Variants in LPP observed in about 807,000 individuals in gnomAD.
LPP encodes LIM domain containing preferred translocation partner in lipoma, also known as lipoma-preferred partner.
Under a neutral mutation model 60.4 loss-of-function variants are expected in LPP, and 38 were observed. The ratio of observed to expected loss-of-function variants is 0.63; its 90% CI spans 0.49 to 0.83. The LOEUF (loss-of-function observed/expected upper bound fraction) is 0.83, where lower values mean the gene tolerates loss of function less well. Among genes scored for constraint, LPP ranks in the 40% least tolerant of loss-of-function variants. LPP has a pLI of 0.00. For missense variants in LPP, 902 were observed against 783.6 expected (o/e 1.15, Z -1.80); for synonymous variants, 328 against 290.8 (o/e 1.13, Z -1.30).
At position 188,884,339 on chromosome 3, in the gene LPP, C is replaced by G. The variant is rs1770414441; in HGVS notation, c.*9860C>G. The G allele has an allele frequency of 4.3e-6, 1 of 230,554 alleles. No individual in the cohort carries two copies. The allele number at this position is 230,554 out of a possible 1,614,324, so 14.3% of individuals were successfully genotyped here. On this transcript the variant is annotated 3_prime_UTR_variant, in exon 12 of 12. Transcript: ENST00000617246. ...AGAACACCTTAGAGGACAATATCGA[C>G]TTCTTACAGACTACCAAGCCCCCAG...
chr3:188,627,554 A>G (rs1384729834), intron 7 of LPP, among the ~76,000 whole-genome samples: 1 of 152,210 alleles, frequency 6.6e-6, no homozygotes, highest in Non-Finnish European at 1.5e-5. Flanking sequence ...AAAAAAGGGC[A>G]TTACATAATG....
chr3:188,295,778 C>A (rs994191983), intron 2 of LPP, among the ~76,000 whole-genome samples: 8 of 152,214 alleles, frequency 5.3e-5, no homozygotes, highest in African/African-American at 1.9e-4. Flanking sequence ...AAGTGAGCCT[C>A]AGCCTCCCAA....
chr3:188,205,277 C>CTTTTTTT, intron 1 of LPP, among the ~76,000 whole-genome samples: 1 of 103,418 alleles, frequency 9.7e-6, no homozygotes, highest in Non-Finnish European at 1.9e-5. Flanking sequence ...AGATTATAAT[C>CTTTTTTT]TTTTTTTTTT....
chr3:188,773,281 C>T (rs2150728202), intron 9 of LPP, among the ~76,000 whole-genome samples: 1 of 152,244 alleles, frequency 6.6e-6, no homozygotes, highest in Middle Eastern at 3.4e-3. Context: ...CCAAGGCTGA[C>T]ATCATCATTA....
At chr3:188,506,750 G>A (rs749095456) in intron 5 of LPP, among the ~76,000 whole-genome samples, 7 of 152,110 alleles carry the variant, frequency 4.6e-5, no homozygotes, top group African/African-American at 1.2e-4. Flanking sequence ...TTGCCTGAAG[G>A]CAGGATCACA....
intron 6 of LPP, among the ~76,000 whole-genome samples, chr3:188,603,864 G>A (rs573930383): frequency 7.2e-5 from 11 of 152,116 alleles, no homozygotes; most frequent in Admixed American, 3.3e-4. Flanking sequence ...TTGGCCATAT[G>A]AAAATATCAT....
chr3:188,561,393 G>A (rs1454646777), intron 6 of LPP, among the ~76,000 whole-genome samples: 1 of 151,986 alleles, frequency 6.6e-6, no homozygotes, highest in Non-Finnish European at 1.5e-5. Context: ...AGTTTTAATG[G>A]CAGCCTTGAA....
At chr3:188,557,246 T>C (rs1829700848) in intron 6 of LPP, among the ~76,000 whole-genome samples, 3 of 152,118 alleles carry the variant, frequency 2.0e-5, no homozygotes, top group African/African-American at 7.2e-5. Flanking sequence ...ATTTGTTTCC[T>C]TTATCTTCTT....
At chr3:188,785,748 G>T (rs1281373728) in intron 9 of LPP, among the ~76,000 whole-genome samples, 1 of 151,664 alleles carries the variant, frequency 6.6e-6, no homozygotes, top group African/African-American at 2.4e-5. Flanking sequence ...TGGATTAAAT[G>T]GTGGTTCTAC....
Position 188,305,766 on chromosome 3 carries a change from T to G in LPP, c.-66-35897T>G, listed in dbSNP as rs556619809. 5.9e-5 allele frequency among the ~76,000 whole-genome samples: 9 copies of G among 152,320 alleles called. No homozygotes were observed. In the South Asian group the frequency reaches 1.7e-3, roughly 28 times the overall value. On this transcript the variant is annotated intron_variant, in intron 2 of 11. Transcript: ENST00000617246. ...CTGAAACACACAGCGACCGAAAGTA[T>G]TTGGGATGGATGATGCCAGTAGTGT...
chr3:188,347,132 A>G (rs1413061032), intron 3 of LPP, among the ~76,000 whole-genome samples: 2 of 152,182 alleles, frequency 1.3e-5, no homozygotes, highest in African/African-American at 2.4e-5. Flanking sequence ...TAAAATCTGG[A>G]TTTAAATCCG....
chr3:188,521,492 A>G (rs569867826), intron 5 of LPP, among the ~76,000 whole-genome samples: 2 of 152,324 alleles, frequency 1.3e-5, no homozygotes, highest in East Asian at 1.9e-4. Flanking sequence ...TCAGTAAAGT[A>G]CAGATGTAGA....
intron 5 of LPP, among the ~76,000 whole-genome samples, chr3:188,511,916 T>C (rs1194809612): frequency 6.6e-6 from 1 of 152,214 alleles, no homozygotes; most frequent in Non-Finnish European, 1.5e-5. Context: ...ATTGCTGGCT[T>C]GTAGGATATT....
intron 9 of LPP, among the ~76,000 whole-genome samples, chr3:188,846,315 G>A (rs767907120): frequency 6.6e-6 from 1 of 152,172 alleles, no homozygotes; most frequent in Non-Finnish European, 1.5e-5. Context: ...CATGATCGGA[G>A]ACTTTACTGG....
intron 2 of LPP, among the ~76,000 whole-genome samples, chr3:188,266,835 T>A (rs957893668): frequency 6.6e-6 from 1 of 152,170 alleles, no homozygotes; most frequent in African/African-American, 2.4e-5. Flanking sequence ...TTGCCGTTAC[T>A]GAGCAGATTA....
chr3:188,706,892 T>C (rs984912224), intron 7 of LPP, among the ~76,000 whole-genome samples: 7 of 152,196 alleles, frequency 4.6e-5, no homozygotes, highest in South Asian at 4.1e-4. Flanking sequence ...AGTTCTAAAT[T>C]TAAATAATAG....
intron 3 of LPP, among the ~76,000 whole-genome samples, chr3:188,375,208 G>T (rs138161430): frequency 0.021 from 3,261 of 152,256 alleles, 53 homozygotes; most frequent in Non-Finnish European, 0.032. Flanking sequence ...GTATCAGGAT[G>T]ATGCTGGCCT....
intron 2 of LPP, among the ~76,000 whole-genome samples, chr3:188,284,428 G>A (rs1035773559): frequency 1.3e-5 from 2 of 152,122 alleles, no homozygotes; most frequent in Non-Finnish European, 2.9e-5. Flanking sequence ...AGGAGAAATG[G>A]GATGGGACCC....
At chr3:188,305,171 A>G (rs1046276347) in intron 2 of LPP, among the ~76,000 whole-genome samples, 2 of 152,194 alleles carry the variant, frequency 1.3e-5, no homozygotes, top group Non-Finnish European at 2.9e-5. Flanking sequence ...ATTAATCTCT[A>G]TATACCCACA....
Sources: allele counts gnomAD v4.1 joint callset (sites outside exome capture counted in the v4.1 genomes callset), GRCh38; gene constraint gnomAD v4.1.1; transcripts MANE v1.5; gene names NCBI Gene and HGNC (gene_info 2026-07-23, HGNC 2026-07-21).